The following CENPS variants were observed in gnomAD, a reference collection of about 807,000 sequenced individuals.
The protein encoded by CENPS is centromere protein S, also known as FANCM associated histone fold protein 1.
A neutral mutation model predicts 17.9 loss-of-function variants in CENPS; 16 were observed. That is an observed-to-expected ratio of 0.90 (90% CI 0.61 to 1.36). The LOEUF (loss-of-function observed/expected upper bound fraction) is 1.36. Among genes scored for constraint, CENPS ranks in the 40% most tolerant of loss-of-function variants. CENPS has a pLI of 0.00. For synonymous variants in CENPS, 49 were observed against 55.8 expected, an observed-to-expected ratio of 0.88 and a Z score of 0.54; for missense variants, 160 against 158.6, an observed-to-expected ratio of 1.01 and a Z score of -0.05.
At chr1:10,431,046 T>G in intron 1 of CENPS, 3 of 1,349,478 alleles carry the variant, frequency 2.2e-6, no homozygotes, top group Non-Finnish European at 2.9e-6. Context: ...CGTCCTTAGA[T>G]GTGGGTTCGA....
intron 1 of CENPS, chr1:10,431,513 T>A (rs2124242807): frequency 7.8e-7 from 1 of 1,283,010 alleles, no homozygotes; most frequent in East Asian, 2.6e-5. Context: ...ATTGCAGATA[T>A]TTTGACACTT....
intron 1 of CENPS, 191 bp downstream of exon 1, chr1:10,430,759 C>G: frequency 7.2e-7 from 1 of 1,397,438 alleles, no homozygotes; most frequent in Non-Finnish European, 9.3e-7. Flanking sequence ...CGCGGCTGGA[C>G]CCTGGCCTGC....
In CENPS at chr1:10,433,837, C is replaced by T. The variant is rs749443492; in HGVS notation, c.52-5C>T. ...CCCGTGAAATATTTTGATGTTTTTC[C>T]CCAGAGGCTAAAGGCAGCAGTTCAC... is the stretch of plus-strand genomic sequence containing the variant. On this transcript the variant is annotated splice_polypyrimidine_tract_variant and splice_region_variant and intron_variant, in intron 1 of 4. Coordinates refer to ENST00000309048, the MANE Select transcript of CENPS (RefSeq NM_199294.3). 2 of 1,613,820 alleles carry T rather than the reference C, an allele frequency of 1.2e-6. No individual in the cohort carries two copies. Among genetic ancestry groups the T allele is most frequent in the South Asian group, 1.1e-5 (1 of 91,024 alleles).
intron 4 of CENPS, among the ~76,000 whole-genome samples, chr1:10,441,964 T>G (rs574497675): frequency 3.4e-4 from 52 of 152,012 alleles, no homozygotes; most frequent in Non-Finnish European, 6.3e-4. Context: ...ATTGGCTAGG[T>G]GTAGTGGCTC....
rs760887605 is a variant in CENPS, at chr1:10,442,356, A to G, written c.368A>G (p.Lys123Arg). 1.2e-6 allele frequency: 2 copies of G among 1,607,212 alleles called. No individual in the cohort carries two copies. Among genetic ancestry groups the G allele is most frequent in the Non-Finnish European group, 1.7e-6 (2 of 1,178,388 alleles). ...QKKKKSEDGS[K>R]NSRQPAEAGV... Reference sequence around the variant, plus strand: ...AAAAAGAAGTCAGAGGATGGAAGCAAAAATTCAAGGCAGCCAGCAGAGGCT... The same window carrying G: ...AAAAAGAAGTCAGAGGATGGAAGCAGAAATTCAAGGCAGCCAGCAGAGGCT... The change falls in exon 5 of 5, where the codon AAA becomes AGA. Residue 123 changes from lysine to arginine, a missense_variant. By Grantham distance (26) the Lys-to-Arg change is conservative. Transcript: ENST00000309048.
chr1:10,431,169 C>T lies in CENPS; in HGVS notation c.51+601C>T, dbSNP rs549393802. ...TCAGGGTAGCTGCGGGCATCCCATTCGTTCCTTTCATCAGCGCCGGGCATA... is the reference window on the plus strand; with the variant it reads ...TCAGGGTAGCTGCGGGCATCCCATTTGTTCCTTTCATCAGCGCCGGGCATA... On this transcript the variant is annotated intron_variant, in intron 1 of 4. Transcript: ENST00000309048. The T allele has an allele frequency of 1.5e-3, 2,155 of 1,462,382 alleles. 2 individuals carry two copies. The highest frequency in any genetic ancestry group is 1.8e-3 in the Non-Finnish European group (1,995 of 1,113,326). The allele number at this position is 1,462,382 out of a possible 1,614,324, so 90.6% of individuals were successfully genotyped here. A position where few individuals can be genotyped will look rare whatever the true frequency, so the allele number is the denominator to read the frequency against.
chr1:10,442,185 G>A lies in CENPS; in HGVS notation c.277-80G>A, dbSNP rs1179884193. On this transcript the variant is annotated intron_variant, in intron 4 of 4. Coordinates refer to ENST00000309048, the MANE Select transcript of CENPS (RefSeq NM_199294.3). ...TCTTTGAGTCAGAGGTGGTTGTGGA[G>A]GGTTTAGTTTCGTTTGTTTGTTTAT... 2.0e-6 allele frequency: 3 copies of A among 1,496,446 alleles called. No homozygotes were observed. In the African/African-American group the frequency reaches 4.4e-5, roughly 22 times the overall value. The allele number at this position is 1,496,446 out of a possible 1,614,324, so 92.7% of individuals were successfully genotyped here.
At chr1:10,441,760 G>A (rs1640424640) in intron 4 of CENPS, among the ~76,000 whole-genome samples, 6 of 150,986 alleles carry the variant, frequency 4.0e-5, no homozygotes. Flanking sequence ...CGAGTAGCTG[G>A]GCCTACAGGC....
intron 1 of CENPS, chr1:10,431,524 C>A: frequency 4.9e-6 from 6 of 1,226,744 alleles, no homozygotes; most frequent in Non-Finnish European, 6.8e-6. Context: ...TTTGACACTT[C>A]GCCTTTACAT....
chr1:10,435,714 T>TACAC (rs1375921138), intron 3 of CENPS, among the ~76,000 whole-genome samples: 30 of 144,220 alleles, frequency 2.1e-4, no homozygotes, highest in African/African-American at 7.5e-4. Context: ...TATATATATA[T>TACAC]ATACACACAC....
At chr1:10,441,313 CTTTT>C (rs747986112) in intron 4 of CENPS, among the ~76,000 whole-genome samples, 3 of 109,572 alleles carry the variant, frequency 2.7e-5, no homozygotes, top group South Asian at 3.2e-4. Flanking sequence ...TGTGCCACAA[CTTTT>C]TTTTTTTTTT....
At chr1:10,433,381 T>A (rs993259756) in intron 1 of CENPS, among the ~76,000 whole-genome samples, 2 of 152,202 alleles carry the variant, frequency 1.3e-5, no homozygotes, top group South Asian at 4.1e-4. Context: ...CGTGCAGGCC[T>A]GGGGCTGCCA....
chr1:10,431,530 T>C (rs1157191227), intron 1 of CENPS: 11 of 1,191,046 alleles, frequency 9.2e-6, no homozygotes, highest in African/African-American at 1.5e-5. Flanking sequence ...ACTTCGCCTT[T>C]ACATTTTAAT....
At position 10,433,823 on chromosome 1, in the gene CENPS, T is replaced by G. The variant is rs777784342; in HGVS notation, c.52-19T>G. Reference sequence around the variant, plus strand: ...TATTTGCAGCCTTACCCGTGAAATATTTTGATGTTTTTCCCCAGAGGCTAA... The same window carrying G: ...TATTTGCAGCCTTACCCGTGAAATAGTTTGATGTTTTTCCCCAGAGGCTAA... On this transcript the variant is annotated intron_variant, in intron 1 of 4. Coordinates refer to ENST00000309048, the MANE Select transcript of CENPS (RefSeq NM_199294.3). The G allele has an allele frequency of 5.6e-6, 9 of 1,613,954 alleles. No individual in the cohort carries two copies. The highest frequency in any genetic ancestry group is 1.3e-5 in the African/African-American group (1 of 75,054).
At chr1:10,442,049 A>C (rs1640437818) in intron 4 of CENPS, among the ~76,000 whole-genome samples, 1 of 152,100 alleles carries the variant, frequency 6.6e-6, no homozygotes, top group South Asian at 2.1e-4. Context: ...CAGCCTGCCC[A>C]CATAGTGAGA....
rs540291030 is a variant in CENPS, at chr1:10,433,862, C to G, written c.72C>G (p.His24Gln). The change falls in exon 2 of 5, where the codon CAC (histidine) becomes CAG (glutamine). Residue 24 changes from histidine to glutamine, a missense_variant. His to Gln is a conservative substitution (Grantham distance 24). Coordinates refer to ENST00000309048, the MANE Select transcript of CENPS (RefSeq NM_199294.3). ...SYQQRLKAAV[H>Q]YTVGCLCEEV... ...CCCAGAGGCTAAAGGCAGCAGTTCA[C>G]TATACTGTGGGTTGTCTTTGCGAGG... 4 of 1,614,204 alleles carry G rather than the reference C, an allele frequency of 2.5e-6. No individual in the cohort carries two copies. In the African/African-American group the frequency reaches 4.0e-5, roughly 16 times the overall value.
rs979885580 is a variant in CENPS, at chr1:10,431,086, C to G, written c.51+518C>G. 4.3e-6 allele frequency: 6 copies of G among 1,384,482 alleles called. No homozygotes were observed. In the Admixed American group the frequency reaches 1.2e-4, roughly 28 times the overall value. 85.8% of individuals were successfully genotyped at this position (1,384,482 alleles called of 1,614,324 possible). A position where few individuals can be genotyped will look rare whatever the true frequency, so the allele number is the denominator to read the frequency against. On this transcript the variant is annotated intron_variant, in intron 1 of 4. Transcript: ENST00000309048. ...CTGCCCCGCCAACTTGTGATCGTAT[C>G]GACTCGGCCCAGACGCAATTTTCTT...
At chr1:10,436,220 T>C (rs1056768977) in intron 3 of CENPS, among the ~76,000 whole-genome samples, 1 of 150,326 alleles carries the variant, frequency 6.7e-6, no homozygotes, top group African/African-American at 2.4e-5. Flanking sequence ...TCAAGTGATT[T>C]GCCTGCCTCA....
At chr1:10,437,831 C>T (rs983146483) in intron 3 of CENPS, among the ~76,000 whole-genome samples, 3 of 148,122 alleles carry the variant, frequency 2.0e-5, no homozygotes, top group African/African-American at 7.6e-5. Context: ...AGCTCAATCT[C>T]GGCTCACTGC....
Sources: gnomAD v4.1 joint callset for allele counts (sites outside exome capture counted in the v4.1 genomes callset) on GRCh38, gnomAD v4.1.1 for gene constraint, MANE v1.5 for transcripts, NCBI Gene and HGNC (gene_info 2026-07-23, HGNC 2026-07-21) for gene names.